Variants in NKAIN2 observed in about 807,000 individuals in gnomAD.
The protein encoded by NKAIN2 is sodium/potassium transporting ATPase interacting 2, also known as sodium/potassium-transporting ATPase subunit beta-1-interacting protein 2.
In NKAIN2, 14 loss-of-function variants were observed where a neutral mutation model predicts 32.6. The ratio of observed to expected loss-of-function variants is 0.43; its 90% confidence interval spans 0.28 to 0.67. The LOEUF is 0.67. Among genes scored for constraint, NKAIN2 ranks in the 30% least tolerant of loss-of-function variants. The probability of loss-of-function intolerance (pLI) is 0.17; values close to 1 mark genes in which losing one functional copy is unlikely to be tolerated. For missense variants in NKAIN2, 198 were observed against 258.3 expected, an observed-to-expected ratio of 0.77 and a Z score of 1.60; for synonymous variants, 80 against 87.2, an observed-to-expected ratio of 0.92 and a Z score of 0.46.
At chr6:124,027,380 A>T (rs1368017481) in intron 1 of NKAIN2, among the ~76,000 whole-genome samples, 1 of 152,100 alleles carries the variant, frequency 6.6e-6, no homozygotes, top group Admixed American at 6.5e-5. Flanking sequence ...ACCTCAGGTG[A>T]TCTGCCCGCC....
chr6:123,959,568 T>G (rs1777746571), intron 1 of NKAIN2, among the ~76,000 whole-genome samples: 1 of 152,194 alleles, frequency 6.6e-6, no homozygotes, highest in South Asian at 2.1e-4. Context: ...GGTATATTCA[T>G]ACCCTTTTGA....
At chr6:124,703,731 T>C (rs1331454289) in intron 4 of NKAIN2, among the ~76,000 whole-genome samples, 1 of 151,982 alleles carries the variant, frequency 6.6e-6, no homozygotes, top group African/African-American at 2.4e-5. Context: ...ACATATCTGT[T>C]AGGAAATAAA....
intron 3 of NKAIN2, among the ~76,000 whole-genome samples, chr6:124,623,450 A>G (rs1013978622): frequency 1.3e-5 from 2 of 152,210 alleles, no homozygotes; most frequent in Non-Finnish European, 2.9e-5. Context: ...GAACTTAAAA[A>G]TGTAAGTATG....
Position 123,974,313 on chromosome 6 carries a change from T to G in NKAIN2, c.54+170059T>G, listed in dbSNP as rs908786262. Among the ~76,000 whole-genome samples, 8 of 151,196 alleles carry G rather than the reference T, an allele frequency of 5.3e-5. 1 individual carries two copies. Among genetic ancestry groups the G allele is most frequent in the Non-Finnish European group, 8.8e-5 (6 of 67,928 alleles). On this transcript the variant is annotated intron_variant, in intron 1 of 6. Coordinates refer to ENST00000368417, the MANE Select transcript of NKAIN2 (RefSeq NM_001040214.3). ...AGAAAAATCAAGAAATAAGTTCTTT[T>G]TGATGAAACTTTGAAGTTAGGATAG...
intron 2 of NKAIN2, among the ~76,000 whole-genome samples, chr6:124,286,145 A>G (rs181100298): frequency 6.6e-6 from 1 of 152,296 alleles, no homozygotes; most frequent in African/African-American, 2.4e-5. Context: ...TACAAATGAA[A>G]CATGTCTGTG....
intron 2 of NKAIN2, among the ~76,000 whole-genome samples, chr6:124,322,192 A>T (rs556044339): frequency 6.6e-6 from 1 of 152,306 alleles, no homozygotes; most frequent in East Asian, 1.9e-4. Context: ...TTTATTTAAT[A>T]AGAAAATTAT....
intron 4 of NKAIN2, among the ~76,000 whole-genome samples, chr6:124,777,873 C>A (rs1779049814): frequency 6.6e-6 from 1 of 151,898 alleles, no homozygotes; most frequent in African/African-American, 2.4e-5. Context: ...TTCAGCCATC[C>A]TTCATAAAAG....
intron 1 of NKAIN2, among the ~76,000 whole-genome samples, chr6:124,076,771 C>T (rs906451682): frequency 1.3e-5 from 2 of 152,150 alleles, no homozygotes; most frequent in Non-Finnish European, 2.9e-5. Flanking sequence ...TTGCAAATCC[C>T]TGTGAAATTT....
intron 1 of NKAIN2, among the ~76,000 whole-genome samples, chr6:123,895,084 G>A (rs1312384199): frequency 6.8e-6 from 1 of 147,542 alleles, no homozygotes; most frequent in Non-Finnish European, 1.5e-5. Context: ...GCCCTTTCCT[G>A]CCCCTCTGTC....
At chr6:124,181,922 C>T (rs2114546511) in intron 1 of NKAIN2, among the ~76,000 whole-genome samples, 1 of 152,316 alleles carries the variant, frequency 6.6e-6, no homozygotes. Context: ...TCCAAAGTCA[C>T]TTCCACATTT....
intron 5 of NKAIN2, among the ~76,000 whole-genome samples, chr6:124,813,138 A>G (rs1780982513): frequency 1.3e-5 from 2 of 152,168 alleles, no homozygotes; most frequent in Non-Finnish European, 2.9e-5. Flanking sequence ...ATTATCAGAC[A>G]TGAAGCACAT....
chr6:124,337,974 A>G (rs180919652), intron 2 of NKAIN2, among the ~76,000 whole-genome samples: 7 of 152,296 alleles, frequency 4.6e-5, no homozygotes, highest in Admixed American at 3.3e-4. Flanking sequence ...TACGCATAGT[A>G]TCATTGTCTA....
intron 2 of NKAIN2, among the ~76,000 whole-genome samples, chr6:124,335,053 C>G (rs967410831): frequency 6.6e-6 from 1 of 151,986 alleles, no homozygotes; most frequent in African/African-American, 2.4e-5. Flanking sequence ...GGTATCCAAC[C>G]AAGACAGGTA....
At chr6:124,173,885 T>C (rs1001061212) in intron 1 of NKAIN2, among the ~76,000 whole-genome samples, 1 of 152,116 alleles carries the variant, frequency 6.6e-6, no homozygotes, top group Non-Finnish European at 1.5e-5. Context: ...GTTTTGATAA[T>C]TGATAATTTT....
chr6:124,814,588 T>C (rs1195679599), intron 5 of NKAIN2, among the ~76,000 whole-genome samples: 2 of 152,112 alleles, frequency 1.3e-5, no homozygotes, highest in African/African-American at 4.8e-5. Context: ...GCCATCTCTC[T>C]CTACCTACAC....
At chr6:124,612,932 TAA>T (rs2115000676) in intron 3 of NKAIN2, among the ~76,000 whole-genome samples, 1 of 152,084 alleles carries the variant, frequency 6.6e-6, no homozygotes, top group African/African-American at 2.4e-5. Flanking sequence ...ATAAGGGAAA[TAA>T]GATAGTCTTT....
chr6:124,064,524 G>T (rs1179056319), intron 1 of NKAIN2, among the ~76,000 whole-genome samples: 1 of 151,546 alleles, frequency 6.6e-6, no homozygotes, highest in Non-Finnish European at 1.5e-5. Flanking sequence ...TTTTGAGGGT[G>T]AGATTAGTTA....
intron 3 of NKAIN2, among the ~76,000 whole-genome samples, chr6:124,371,708 AAAAAG>A (rs1441706599): frequency 2.6e-5 from 4 of 151,492 alleles, no homozygotes; most frequent in African/African-American, 9.7e-5. Context: ...AAAAAAAAAA[AAAAAG>A]AAAGAAAGGA....
intron 1 of NKAIN2, among the ~76,000 whole-genome samples, chr6:124,237,569 G>A (rs547339199): frequency 1.3e-5 from 2 of 152,230 alleles, no homozygotes; most frequent in East Asian, 3.9e-4. Flanking sequence ...AAGAAGATTA[G>A]TGTGAATGAT....
Sources: gnomAD v4.1 joint callset for allele counts (sites outside exome capture counted in the v4.1 genomes callset) on GRCh38, gnomAD v4.1.1 for gene constraint, MANE v1.5 for transcripts, NCBI Gene and HGNC (gene_info 2026-07-23, HGNC 2026-07-21) for gene names.